SCAPER: variants seen among roughly 807,000 people sequenced by gnomAD.
SCAPER encodes S-phase cyclin A associated protein in the ER, also known as S phase cyclin A-associated protein in the endoplasmic reticulum.
In SCAPER, 98 loss-of-function variants were observed where a neutral mutation model predicts 182.2. The ratio of observed to expected loss-of-function variants is 0.54; its 90% CI spans 0.46 to 0.64. The LOEUF (loss-of-function observed/expected upper bound fraction) is 0.64, where lower values mean the gene tolerates loss of function less well. Among genes scored for constraint, SCAPER ranks in the 30% least tolerant of loss-of-function variants. The pLI is 0.00. For missense variants in SCAPER, 1,432 were observed against 1,690.0 expected, an observed-to-expected ratio of 0.85 and a Z score of 2.68; for synonymous variants, 605 against 564.6, an observed-to-expected ratio of 1.07 and a Z score of -1.01.
intron 20 of SCAPER, among the ~76,000 whole-genome samples, chr15:76,699,369 TG>T (rs1264521205): frequency 2.0e-5 from 3 of 152,180 alleles, no homozygotes; most frequent in African/African-American, 7.2e-5. Context: ...TTCTAGCTTT[TG>T]CCCCTCCACT....
intron 25 of SCAPER, among the ~76,000 whole-genome samples, chr15:76,440,906 G>GT (rs1567143984): frequency 3.2e-4 from 36 of 112,110 alleles, no homozygotes; most frequent in Non-Finnish European, 5.6e-4. Flanking sequence ...TTCCCCTTCT[G>GT]GTTTTTTTTT....
chr15:76,660,534 T>C (rs186612820), intron 21 of SCAPER, among the ~76,000 whole-genome samples: 4 of 152,246 alleles, frequency 2.6e-5, no homozygotes, highest in Admixed American at 2.0e-4. Context: ...TATGGGAACA[T>C]GGAACATAGA....
At chr15:76,482,073 C>G (rs1395866539) in intron 24 of SCAPER, among the ~76,000 whole-genome samples, 4 of 149,698 alleles carry the variant, frequency 2.7e-5, no homozygotes, top group Non-Finnish European at 5.9e-5. Flanking sequence ...CTGAATGTCA[C>G]TTTTTTTTTT....
chr15:76,445,093 C>T (rs1400368698), intron 25 of SCAPER, among the ~76,000 whole-genome samples: 2 of 152,136 alleles, frequency 1.3e-5, no homozygotes, highest in Admixed American at 1.3e-4. Context: ...GAATAGTGTA[C>T]ACTGTACCCA....
intron 5 of SCAPER, among the ~76,000 whole-genome samples, chr15:76,813,740 AAATAT>A (rs1568222104): frequency 6.6e-6 from 1 of 152,252 alleles, no homozygotes; most frequent in African/African-American, 2.4e-5. Context: ...ACTTAGGAAT[AAATAT>A]AATATAACCA....
chr15:76,548,723 T>G (rs916855805), intron 23 of SCAPER, among the ~76,000 whole-genome samples: 17 of 152,126 alleles, frequency 1.1e-4, no homozygotes, highest in South Asian at 4.1e-4. Flanking sequence ...AAATGGTGCT[T>G]GGAAAACTGG....
intron 21 of SCAPER, among the ~76,000 whole-genome samples, chr15:76,629,702 A>G (rs1449602171): frequency 6.6e-6 from 1 of 152,080 alleles, no homozygotes; most frequent in Non-Finnish European, 1.5e-5. Flanking sequence ...TTCATCAGGG[A>G]TATTAGCTGA....
At chr15:76,535,615 A>AT (rs934367822) in intron 23 of SCAPER, among the ~76,000 whole-genome samples, 2 of 151,784 alleles carry the variant, frequency 1.3e-5, no homozygotes, top group Non-Finnish European at 1.5e-5. Context: ...TTCCACAAAC[A>AT]TTTATGGAAA....
At chr15:76,591,170 C>T (rs1284710524) in intron 22 of SCAPER, among the ~76,000 whole-genome samples, 2 of 151,974 alleles carry the variant, frequency 1.3e-5, no homozygotes, top group Non-Finnish European at 2.9e-5. Context: ...TACCTCAACC[C>T]TTAAATTTAT....
intron 21 of SCAPER, among the ~76,000 whole-genome samples, chr15:76,622,853 G>A (rs1015471867): frequency 6.6e-6 from 1 of 152,160 alleles, no homozygotes; most frequent in Non-Finnish European, 1.5e-5. Context: ...CATCTCATGT[G>A]GAAATGCGAT....
intron 5 of SCAPER, among the ~76,000 whole-genome samples, chr15:76,812,310 T>C (rs990723690): frequency 4.7e-5 from 7 of 148,308 alleles, no homozygotes; most frequent in African/African-American, 1.5e-4. Flanking sequence ...CGAGACTCCG[T>C]CTCAAGAAAA....
At chr15:76,899,637 G>A (rs913404180) in intron 1 of SCAPER, among the ~76,000 whole-genome samples, 1 of 152,130 alleles carries the variant, frequency 6.6e-6, no homozygotes, top group Non-Finnish European at 1.5e-5. Flanking sequence ...TCTGGGATGT[G>A]AGGAGCCCCT....
chr15:76,599,713 T>C lies in SCAPER; in HGVS notation c.2711+22051A>G, dbSNP rs1288908546. ...AGACAAGCTCTACAACAGGTGATTC[T>C]AATCAGTGATGAAAGAAAATCAGAA... On this transcript the variant is annotated intron_variant, in intron 22 of 31. Coordinates refer to ENST00000563290, the MANE Select transcript of SCAPER (RefSeq NM_020843.4). 3.3e-5 allele frequency among the ~76,000 whole-genome samples: 4 copies of C among 122,170 alleles called. 2 individuals are homozygous for C. Among genetic ancestry groups the C allele is most frequent in the Non-Finnish European group, 8.0e-5 (4 of 50,262 alleles). 80.1% of individuals were successfully genotyped at this position (122,170 alleles called of 152,430 possible). A position where few individuals can be genotyped will look rare whatever the true frequency, so the allele number is the denominator to read the frequency against.
chr15:76,491,007 G>A (rs1363444013), intron 24 of SCAPER, among the ~76,000 whole-genome samples: 1 of 152,078 alleles, frequency 6.6e-6, no homozygotes, highest in African/African-American at 2.4e-5. Context: ...ACTAGAAGAG[G>A]CAGAGAGAGC....
intron 24 of SCAPER, among the ~76,000 whole-genome samples, chr15:76,495,343 C>T (rs140413680): frequency 5.9e-5 from 9 of 151,910 alleles, no homozygotes; most frequent in Non-Finnish European, 7.4e-5. Flanking sequence ...TTTGGGAGGA[C>T]GAGGCAGGTG....
intron 25 of SCAPER, among the ~76,000 whole-genome samples, chr15:76,449,474 A>G (rs1267262648): frequency 6.6e-6 from 1 of 152,206 alleles, no homozygotes; most frequent in African/African-American, 2.4e-5. Context: ...GAATTTTAGT[A>G]TGGCTTCCCC....
chr15:76,895,449 T>C (rs2074377805), intron 1 of SCAPER, among the ~76,000 whole-genome samples: 2 of 150,724 alleles, frequency 1.3e-5, no homozygotes, highest in East Asian at 1.9e-4. Flanking sequence ...AAGCTTTTCC[T>C]CTAAGATCAA....
intron 2 of SCAPER, among the ~76,000 whole-genome samples, chr15:76,878,545 C>G (rs996990448): frequency 6.6e-6 from 1 of 151,940 alleles, no homozygotes; most frequent in Admixed American, 6.6e-5. Context: ...AATGAAAAAG[C>G]AAGCTACAGA....
In SCAPER at chr15:76,774,920, T is replaced by A; in HGVS notation, c.970A>T (p.Thr324Ser). 6.2e-7 allele frequency: 1 copy of A among 1,613,692 alleles called. No homozygotes were observed. The highest frequency in any genetic ancestry group is 1.1e-5 in the South Asian group (1 of 91,066). ...GAGTCTTTGGGATGAGATTCTATAGTATTAGAAGTTCCATCTCCAACAAAT... is the reference window on the plus strand; with the variant it reads ...GAGTCTTTGGGATGAGATTCTATAGAATTAGAAGTTCCATCTCCAACAAAT... ...GQFVGDGTSN[T>S]IESHPKDSLH... Residue 324 changes from threonine to serine, a missense_variant, in exon 9 of 32, where the codon ACT (threonine) becomes TCT (serine). Around this residue, in one of 5 missense-constraint regions of SCAPER, gnomAD observed 480 missense variants for 510.2 expected, o/e 0.94. Transcript: ENST00000563290.
Sources: allele counts gnomAD v4.1 joint callset (sites outside exome capture counted in the v4.1 genomes callset), GRCh38; gene constraint gnomAD v4.1.1; regional missense constraint gnomAD v4.1.1; transcripts MANE v1.5; gene names NCBI Gene and HGNC (gene_info 2026-07-23, HGNC 2026-07-21).